Variants in SFSWAP observed in about 807,000 individuals in gnomAD.
The protein encoded by SFSWAP is splicing factor SWAP.
In SFSWAP, 17 loss-of-function variants were observed where a neutral mutation model predicts 100.7. The ratio of observed to expected loss-of-function variants is 0.17; its 90% confidence interval spans 0.12 to 0.25. The LOEUF (loss-of-function observed/expected upper bound fraction) is 0.25, where lower values mean the gene tolerates loss of function less well. Among genes scored for constraint, SFSWAP ranks in the 10% least tolerant of loss-of-function variants. The pLI is 1.00. For missense variants in SFSWAP, 1,005 were observed against 1,262.6 expected (o/e 0.80, Z 3.09); for synonymous variants, 504 against 510.1 (o/e 0.99, Z 0.16).
chr12:131,779,316 T>TGA (rs1566051767), intron 14 of SFSWAP, among the ~76,000 whole-genome samples: 20 of 150,902 alleles, frequency 1.3e-4, no homozygotes, highest in Admixed American at 3.3e-4. Flanking sequence ...GCGGCGCTGG[T>TGA]GCAGAATGTT....
intron 4 of SFSWAP, among the ~76,000 whole-genome samples, chr12:131,720,647 C>G (rs890862162): frequency 9.2e-5 from 14 of 152,318 alleles, no homozygotes; most frequent in Non-Finnish European, 2.1e-4. Flanking sequence ...CATCTCTCAC[C>G]TCCCACTGCG....
chr12:131,790,420 G>C (rs539050461), intron 15 of SFSWAP, among the ~76,000 whole-genome samples: 25 of 152,188 alleles, frequency 1.6e-4, no homozygotes, highest in Non-Finnish European at 3.5e-4. Context: ...AGATGTGGAC[G>C]TATGAGGAAT....
intron 9 of SFSWAP, 110 bp downstream of exon 9, chr12:131,754,609 T>C: frequency 3.4e-6 from 2 of 593,784 alleles, no homozygotes; most frequent in Non-Finnish European, 5.0e-6. Flanking sequence ...TTTTTAAGCC[T>C]TTTCTTGGCT....
At chr12:131,776,622 C>G (rs1439896171) in intron 13 of SFSWAP, among the ~76,000 whole-genome samples, 5 of 152,248 alleles carry the variant, frequency 3.3e-5, no homozygotes, top group African/African-American at 1.2e-4. Flanking sequence ...CCCCTTACCA[C>G]TTTGCCTTTC....
rs970177391 is a variant in SFSWAP, at chr12:131,778,660, G to A, written c.2408+330G>A. Among the ~76,000 whole-genome samples, 5 of 152,124 alleles carry A rather than the reference G, an allele frequency of 3.3e-5. No homozygotes were observed. Among genetic ancestry groups the A allele is most frequent in the Admixed American group, 3.3e-4 (5 of 15,264 alleles). ...AGCCTCCTGAGTAGCTGGGATTACAGGTGCCCACCACCACGCCTGGCTAAT... is the reference window on the plus strand; with the variant it reads ...AGCCTCCTGAGTAGCTGGGATTACAAGTGCCCACCACCACGCCTGGCTAAT... On this transcript the variant is annotated intron_variant, in intron 14 of 17. Transcript: ENST00000261674. The surrounding 1 kb of genome is among the most constrained non-coding windows in gnomAD (Gnocchi z 4.2).
intron 11 of SFSWAP, among the ~76,000 whole-genome samples, chr12:131,761,806 A>G (rs1255139243): frequency 6.6e-6 from 1 of 152,178 alleles, no homozygotes. Flanking sequence ...AACTTAGTTA[A>G]TCTTTTCAGC....
chr12:131,748,605 G>A (rs1881349642), intron 7 of SFSWAP, among the ~76,000 whole-genome samples: 1 of 152,250 alleles, frequency 6.6e-6, no homozygotes, highest in Admixed American at 6.5e-5. Context: ...TTAAGATCAT[G>A]CAGAGATACG....
intron 7 of SFSWAP, among the ~76,000 whole-genome samples, chr12:131,736,165 C>T (rs879029959): frequency 6.6e-6 from 1 of 152,132 alleles, no homozygotes; most frequent in Admixed American, 6.5e-5. Flanking sequence ...TCCCCAAAAA[C>T]AGATCCAAAT....
chr12:131,784,756 A>G (rs1884769595), intron 14 of SFSWAP: 1 of 210,138 alleles, frequency 4.8e-6, no homozygotes, highest in Non-Finnish European at 9.4e-6. Flanking sequence ...AGAATTGTCT[A>G]ATGGTATGTA....
chr12:131,785,004 C>T, intron 14 of SFSWAP: 1 of 1,293,646 alleles, frequency 7.7e-7, no homozygotes, highest in Non-Finnish European at 1.0e-6. Context: ...GAGCTTTTTT[C>T]AGAGTTCTGG....
At chr12:131,791,063 G>A (rs1012158761) in intron 15 of SFSWAP, among the ~76,000 whole-genome samples, 1 of 152,152 alleles carries the variant, frequency 6.6e-6, no homozygotes, top group African/African-American at 2.4e-5. Flanking sequence ...GAAGACTAAA[G>A]ACTAGTTAAA....
chr12:131,758,478 G>A (rs1409894449), intron 11 of SFSWAP, among the ~76,000 whole-genome samples: 1 of 152,118 alleles, frequency 6.6e-6, no homozygotes, highest in East Asian at 1.9e-4. Context: ...ATGTCATTGC[G>A]CCCACAGAGA....
intron 7 of SFSWAP, among the ~76,000 whole-genome samples, chr12:131,746,644 T>G (rs147768854): frequency 3.3e-5 from 5 of 152,342 alleles, no homozygotes; most frequent in Non-Finnish European, 7.3e-5. Context: ...AAAGGGTACA[T>G]AGGAACACAA....
At chr12:131,795,401 C>G (rs1044441227) in intron 15 of SFSWAP, among the ~76,000 whole-genome samples, 11 of 152,228 alleles carry the variant, frequency 7.2e-5, no homozygotes, top group Admixed American at 7.2e-4. Flanking sequence ...CTCAGTCCCC[C>G]CCTGCATATC....
chr12:131,768,049 T>G (rs1333017542), intron 13 of SFSWAP, among the ~76,000 whole-genome samples: 1 of 152,228 alleles, frequency 6.6e-6, no homozygotes, highest in Admixed American at 6.5e-5. Flanking sequence ...GCGTGCTCGC[T>G]CATCTATATG....
At chr12:131,799,307 C>T in intron 17 of SFSWAP, 116 bp from the exon 18 acceptor site, 12 of 1,191,382 alleles carry the variant, frequency 1.0e-5, no homozygotes, top group Middle Eastern at 1.9e-4. Context: ...CCTCCGCCGC[C>T]CCCACGGTGC....
Position 131,735,178 on chromosome 12 carries a change from A to T in SFSWAP, c.1081+6750A>T, listed in dbSNP as rs1015140580. Among the ~76,000 whole-genome samples the T allele has an allele frequency of 2.0e-5, 3 of 152,188 alleles. No homozygotes were observed. In the East Asian group the frequency reaches 5.8e-4, roughly 29 times the overall value. On this transcript the variant is annotated intron_variant, in intron 7 of 17. Coordinates refer to ENST00000261674, the MANE Select transcript of SFSWAP (RefSeq NM_004592.4). ...AAATGACAGAAAAGCCCAAAAATCA[A>T]GTCCCCACAACCTCCCCCAGCGATG... is the stretch of plus-strand genomic sequence containing the variant.
intron 11 of SFSWAP, among the ~76,000 whole-genome samples, chr12:131,763,779 C>T (rs550252712): frequency 1.3e-3 from 203 of 151,488 alleles, no homozygotes; most frequent in Non-Finnish European, 2.3e-3. Context: ...CATCATATGC[C>T]TCCTGAAGCA....
chr12:131,797,188 GAGA>G lies in SFSWAP; in HGVS notation c.2558_2560del (p.Lys853del), dbSNP rs372337364. 1.1e-4 allele frequency: 170 copies of G among 1,605,762 alleles called. No individual in the cohort carries two copies. Among genetic ancestry groups the G allele is most frequent in the East Asian group, 1.8e-4 (8 of 44,736 alleles). ...ACTCTTGCCTTTCAGAAGTCCCCACGAGAAGAAGAAGAAGAGGCGGTCCCGGTC... is the reference window on the plus strand; with the variant it reads ...ACTCTTGCCTTTCAGAAGTCCCCACGAGAAGAAGAAGAGGCGGTCCCGGTC... On this transcript the variant is annotated inframe_deletion, in exon 16 of 18. Transcript: ENST00000261674.
Sources: gnomAD v4.1 joint callset for allele counts (sites outside exome capture counted in the v4.1 genomes callset) on GRCh38, gnomAD v4.1.1 for gene constraint, Gnocchi (gnomAD v3.1) non-coding constraint, MANE v1.5 for transcripts, NCBI Gene and HGNC (gene_info 2026-07-23, HGNC 2026-07-21) for gene names.